SYT14: variants seen among roughly 807,000 people sequenced by gnomAD.
SYT14 encodes synaptotagmin 14.
In SYT14, 32 loss-of-function variants were observed where a neutral mutation model predicts 74.2. The ratio of observed to expected loss-of-function variants is 0.43; its 90% CI spans 0.33 to 0.58. The LOEUF (loss-of-function observed/expected upper bound fraction) is 0.58. Ranked by LOEUF, SYT14 falls within the 20% of genes least tolerant of loss-of-function variation. SYT14 has a pLI of 0.05. For missense variants in SYT14, 791 were observed against 981.8 expected (o/e 0.81, Z 2.60); for synonymous variants, 298 against 337.7 (o/e 0.88, Z 1.29).
chr1:210,002,382 A>G (rs915969124), intron 2 of SYT14, among the ~76,000 whole-genome samples: 4 of 151,970 alleles, frequency 2.6e-5, no homozygotes, highest in African/African-American at 4.8e-5. Context: ...TTTGAACTTT[A>G]TATTGGAATC....
exon 8 of SYT14, chr1:210,155,848 G>C (rs1272508166): frequency 1.9e-6 from 3 of 1,614,080 alleles, no homozygotes; most frequent in African/African-American, 2.7e-5. Context: ...ACAACTGGAA[G>C]ACTATCAGCA....
chr1:210,089,510 T>C (rs1464511421), intron 5 of SYT14, among the ~76,000 whole-genome samples: 1 of 152,192 alleles, frequency 6.6e-6, no homozygotes, highest in Non-Finnish European at 1.5e-5. Context: ...TGTAAAAGCA[T>C]TCCTATTTTT....
intron 5 of SYT14, among the ~76,000 whole-genome samples, chr1:210,045,171 T>A (rs1346751109): frequency 3.9e-5 from 6 of 152,208 alleles, no homozygotes; most frequent in Admixed American, 3.9e-4. Flanking sequence ...CACATTTAGT[T>A]CAAAGTTTAC....
chr1:210,069,823 T>A (rs2081361554), intron 5 of SYT14, among the ~76,000 whole-genome samples: 2 of 152,006 alleles, frequency 1.3e-5, no homozygotes, highest in African/African-American at 4.8e-5. Flanking sequence ...ATACCTTTTT[T>A]TTTGTTTTTG....
chr1:210,161,714 C>G (rs543388429), exon 10 of SYT14: 1 of 453,678 alleles, frequency 2.2e-6, no homozygotes, highest in Non-Finnish European at 4.4e-6. Flanking sequence ...CATTTGCCTC[C>G]GCTTTCGCCT....
intron 7 of SYT14, 76 bp from the exon 7 acceptor site, chr1:210,155,645 T>C: frequency 6.6e-7 from 1 of 1,504,922 alleles, no homozygotes. Context: ...CTAATCCAAA[T>C]AAACATGGCA....
At chr1:210,090,533 C>T (rs1481765589) in intron 5 of SYT14, among the ~76,000 whole-genome samples, 1 of 152,086 alleles carries the variant, frequency 6.6e-6, no homozygotes, top group Non-Finnish European at 1.5e-5. Context: ...TTTGTAGGTG[C>T]TATGCAATAT....
chr1:209,962,461 A>G (rs719034), intron 2 of SYT14, among the ~76,000 whole-genome samples: 135,608 of 151,886 alleles, frequency 0.89, 60,805 homozygotes, highest in African/African-American at 0.97. Flanking sequence ...CAGAGAATAG[A>G]GCTTTAGCTA....
At chr1:210,069,451 A>G (rs893825281) in intron 5 of SYT14, among the ~76,000 whole-genome samples, 1 of 151,932 alleles carries the variant, frequency 6.6e-6, no homozygotes, top group African/African-American at 2.4e-5. Flanking sequence ...TTATTTTAAC[A>G]TTGTGTTATA....
At chr1:210,100,957 A>G (rs1443488445) in intron 7 of SYT14, among the ~76,000 whole-genome samples, 1 of 152,190 alleles carries the variant, frequency 6.6e-6, no homozygotes, top group Non-Finnish European at 1.5e-5. Flanking sequence ...TAAAATTTCA[A>G]AATAAATCTG....
chr1:210,116,611 T>A (rs976383001), intron 7 of SYT14, among the ~76,000 whole-genome samples: 4 of 152,224 alleles, frequency 2.6e-5, no homozygotes, highest in African/African-American at 9.6e-5. Flanking sequence ...CCTCCCAAAG[T>A]ATTGGGATTA....
At chr1:210,138,746 T>C (rs2082844298) in intron 7 of SYT14, among the ~76,000 whole-genome samples, 1 of 152,180 alleles carries the variant, frequency 6.6e-6, no homozygotes, top group Non-Finnish European at 1.5e-5. Context: ...GCAATCATTA[T>C]AGTAATGGTT....
rs1572350193 is a variant in SYT14 at position 210,129,008 on chromosome 1, G to A, written c.2035-26713G>A. Among the ~76,000 whole-genome samples, 2 of 151,912 alleles carry A rather than the reference G, an allele frequency of 1.3e-5. 1 individual carries two copies. Among genetic ancestry groups the A allele is most frequent in the Middle Eastern group, 6.8e-3 (2 of 294 alleles). ...ATATTTAGCAATGTATGTTCCTTAG[G>A]TATCCAAAAAAATAGCTTCAGGAGT... On this transcript the variant is annotated intron_variant, in intron 7 of 9. Coordinates refer to ENST00000637265, the Ensembl canonical transcript of SYT14.
At chr1:210,148,717 A>G (rs2083095543) in intron 7 of SYT14, among the ~76,000 whole-genome samples, 1 of 152,208 alleles carries the variant, frequency 6.6e-6, no homozygotes, top group Non-Finnish European at 1.5e-5. Context: ...CCCTTAAAAG[A>G]AAGAAAGAGG....
chr1:210,146,342 GA>G (rs139055643), intron 7 of SYT14, among the ~76,000 whole-genome samples: 4,777 of 151,956 alleles, frequency 0.031, 540 homozygotes, highest in Admixed American at 0.22. Context: ...CAAAAAAAAA[GA>G]AAAAACAGTA....
intron 2 of SYT14, among the ~76,000 whole-genome samples, chr1:209,961,667 TACTG>T (rs1378173949): frequency 6.6e-6 from 1 of 152,128 alleles, no homozygotes; most frequent in Non-Finnish European, 1.5e-5. Flanking sequence ...ATTATTATCT[TACTG>T]AAGAAGGTAG....
At chr1:210,107,481 T>C (rs1007432679) in intron 7 of SYT14, among the ~76,000 whole-genome samples, 1 of 152,182 alleles carries the variant, frequency 6.6e-6, no homozygotes, top group Admixed American at 6.5e-5. Flanking sequence ...GTGTCTATCA[T>C]AGCTATAAAT....
At chr1:210,120,376 T>G (rs11119410) in intron 7 of SYT14, among the ~76,000 whole-genome samples, 2,669 of 150,802 alleles carry the variant, frequency 0.018, 31 homozygotes, top group African/African-American at 0.02. Flanking sequence ...TTTTTTTTTT[T>G]TTTGTTTGAG....
chr1:209,970,460 A>C (rs78522284), intron 2 of SYT14, among the ~76,000 whole-genome samples: 2,395 of 152,102 alleles, frequency 0.016, 69 homozygotes, highest in African/African-American at 0.055. Flanking sequence ...TCTGGTTACT[A>C]TAGCCTTATA....
Sources: gnomAD v4.1 joint callset for allele counts (sites outside exome capture counted in the v4.1 genomes callset) on GRCh38, gnomAD v4.1.1 for gene constraint, MANE v1.5 for transcripts, NCBI Gene and HGNC (gene_info 2026-07-23, HGNC 2026-07-21) for gene names.